Variants in DMXL2 observed in about 807,000 individuals in gnomAD.
DMXL2 encodes Dmx like 2.
DMXL2 carries 103 observed loss-of-function variants against 331.1 expected under a neutral mutation model. That is an observed-to-expected ratio of 0.31 (90% CI 0.27 to 0.37). The LOEUF is 0.37. DMXL2 is among the 10% of genes least tolerant of loss of function. DMXL2 has a pLI of 1.00. For missense variants in DMXL2, 3,171 were observed against 3,642.9 expected, an observed-to-expected ratio of 0.87 and a Z score of 3.33; for synonymous variants, 1,281 against 1,252.1, an observed-to-expected ratio of 1.02 and a Z score of -0.49.
chr15:51,466,783 A>G (rs1362939836), intron 29 of DMXL2, among the ~76,000 whole-genome samples: 1 of 152,090 alleles, frequency 6.6e-6, no homozygotes, highest in Non-Finnish European at 1.5e-5. Context: ...AGTAATTTCA[A>G]TAAAAATCTC....
rs143850714 is a variant in DMXL2 at position 51,536,693 on chromosome 15, G to A, written c.1787C>T (p.Ser596Phe). The A allele has an allele frequency of 1.9e-5, 30 of 1,613,942 alleles. 1 individual carries two copies. The East Asian group carries it at 5.8e-4, about 31-fold the overall frequency. The change falls in exon 12 of 44, where the codon TCT becomes TTT. Residue 596 changes from serine to phenylalanine, a missense_variant. Around this residue, in one of 7 missense-constraint regions of DMXL2, gnomAD observed 1,674 missense variants for 1,780.2 expected, o/e 0.94. Transcript: ENST00000560891. ...VGSPHGSQPH[S>F]RSHSTHMNIL... ...GTTCATATGTGTACTGTGGGATCTA[G>A]AGTGTGGCTGTGATCCGTGAGGACT...
At chr15:51,565,384 C>G (rs760324829) in intron 3 of DMXL2, among the ~76,000 whole-genome samples, 2 of 152,064 alleles carry the variant, frequency 1.3e-5, no homozygotes, top group Non-Finnish European at 2.9e-5. Flanking sequence ...CTTGCCATGC[C>G]CAAACAAAGC....
chr15:51,600,265 C>T (rs891881798), intron 1 of DMXL2, among the ~76,000 whole-genome samples: 2 of 152,174 alleles, frequency 1.3e-5, no homozygotes, highest in Non-Finnish European at 2.9e-5. Context: ...TTACAACCAC[C>T]TCCTGGTTAT....
At chr15:51,507,918 A>G (rs1048161877) in intron 15 of DMXL2, among the ~76,000 whole-genome samples, 4 of 152,180 alleles carry the variant, frequency 2.6e-5, no homozygotes, top group Non-Finnish European at 5.9e-5. Context: ...ACTTGTATAT[A>G]TAATTTTCCC....
chr15:51,559,111 C>A (rs1000232720), intron 6 of DMXL2, among the ~76,000 whole-genome samples: 17 of 152,108 alleles, frequency 1.1e-4, no homozygotes, highest in African/African-American at 3.6e-4. Flanking sequence ...GTATGAAAAA[C>A]TTATTAAATA....
intron 27 of DMXL2, among the ~76,000 whole-genome samples, chr15:51,475,583 C>G (rs1458514968): frequency 6.6e-6 from 1 of 151,966 alleles, no homozygotes; most frequent in African/African-American, 2.4e-5. Context: ...AAACAACTGG[C>G]TGGTACTCTT....
At chr15:51,460,349 C>A (rs530966419) in intron 33 of DMXL2, 1 of 985,384 alleles carries the variant, frequency 1.0e-6, no homozygotes, top group East Asian at 1.1e-4. Context: ...CTGCCCATGC[C>A]TCCAGGGACT....
At chr15:51,606,441 C>T (rs2053594106) in intron 1 of DMXL2, among the ~76,000 whole-genome samples, 1 of 152,152 alleles carries the variant, frequency 6.6e-6, no homozygotes, top group Non-Finnish European at 1.5e-5. Flanking sequence ...GTTATCCACG[C>T]ACCACAGCCT....
intron 2 of DMXL2, among the ~76,000 whole-genome samples, chr15:51,573,663 G>C (rs114897619): frequency 0.12 from 17,485 of 151,920 alleles, 1,298 homozygotes; most frequent in Admixed American, 0.21. Flanking sequence ...ATGGACACTG[G>C]GGGAAACATC....
chr15:51,460,486 T>A (rs979212538), intron 33 of DMXL2: 2 of 484,682 alleles, frequency 4.1e-6, no homozygotes, highest in Non-Finnish European at 2.7e-6. Context: ...ACTAGCTGAA[T>A]TCACCAATCT....
At position 51,464,571 on chromosome 15, in the gene DMXL2, G is replaced by T. The variant is rs916759763; in HGVS notation, c.7808+104C>A. The T allele has an allele frequency of 3.4e-5, 32 of 933,660 alleles. No individual in the cohort carries two copies. In the Middle Eastern group the frequency reaches 1.0e-3, roughly 30 times the overall value. The allele number at this position is 933,660 out of a possible 1,614,324, so 57.8% of individuals were successfully genotyped here. On this transcript the variant is annotated intron_variant, in intron 32 of 43. Coordinates refer to ENST00000560891, the MANE Select transcript of DMXL2 (RefSeq NM_001378457.1). Reference sequence around the variant, plus strand: ...TATTCTGCTAAAAATAGGACTGCAGGTTCAAAATTATGAATGTTTTAAAGT... The same window carrying T: ...TATTCTGCTAAAAATAGGACTGCAGTTTCAAAATTATGAATGTTTTAAAGT...
intron 33 of DMXL2, among the ~76,000 whole-genome samples, chr15:51,461,452 GA>G: frequency 6.6e-6 from 1 of 152,166 alleles, no homozygotes; most frequent in East Asian, 1.9e-4. Context: ...ACATACTTGT[GA>G]TAAATCATTA....
At chr15:51,534,590 G>A (rs2140867193) in intron 13 of DMXL2, among the ~76,000 whole-genome samples, 1 of 152,228 alleles carries the variant, frequency 6.6e-6, no homozygotes, top group South Asian at 2.1e-4. Flanking sequence ...TCAGATGGCT[G>A]GTGAGACCAG....
intron 6 of DMXL2, among the ~76,000 whole-genome samples, chr15:51,552,476 C>A (rs1400889928): frequency 6.6e-6 from 1 of 152,188 alleles, no homozygotes; most frequent in Non-Finnish European, 1.5e-5. Flanking sequence ...ACAAAAGTTT[C>A]TTTGCTTTAA....
chr15:51,481,370 G>C lies in DMXL2; in HGVS notation c.5736C>G (p.Thr1912=). The change falls in exon 24 of 44, where the codon ACC becomes ACG. Residue 1912 remains threonine (T), a synonymous_variant. Coordinates refer to ENST00000560891, the MANE Select transcript of DMXL2 (RefSeq NM_001378457.1). ...LEVLSKIPKV[T]KTSALSAKKD... is the part of the protein sequence containing the mutation. Reference sequence around the variant, plus strand: ...TTTTTGCAGATAAGGCAGATGTTTTGGTTACTTTTGGAATTTTGGAGAGTA... The same window carrying C: ...TTTTTGCAGATAAGGCAGATGTTTTCGTTACTTTTGGAATTTTGGAGAGTA... The C allele has an allele frequency of 6.2e-7, 1 of 1,613,814 alleles. No individual in the cohort carries two copies.
chr15:51,622,757 C>A lies in DMXL2; in HGVS notation c.-212G>T. The A allele has an allele frequency of 1.1e-6, 1 of 889,688 alleles. No individual in the cohort carries two copies. The highest frequency in any genetic ancestry group is 1.6e-6 in the Non-Finnish European group (1 of 614,402). 55.1% of individuals were successfully genotyped at this position (889,688 alleles called of 1,614,324 possible). A position where few individuals can be genotyped will look rare whatever the true frequency, so the allele number is the denominator to read the frequency against. On this transcript the variant is annotated 5_prime_UTR_variant, in exon 1 of 44. Coordinates refer to ENST00000560891, the MANE Select transcript of DMXL2 (RefSeq NM_001378457.1). ...ACCGCCGCCGCCGCCCGGGTCGCCG[C>A]TCAGCTGCGGAAATGCCCGGATGTT... is the stretch of plus-strand genomic sequence containing the variant.
At position 51,480,151 on chromosome 15, in the gene DMXL2, A is replaced by T. The variant is rs1365931062; in HGVS notation, c.6565-12T>A. On this transcript the variant is annotated splice_polypyrimidine_tract_variant and intron_variant, in intron 24 of 43. Transcript: ENST00000560891. ...TTTACTGTAGTTTCCTGTGGGTGATAGTGAATTATTTTTTTCAAAGTAGTT... is the reference window on the plus strand; with the variant it reads ...TTTACTGTAGTTTCCTGTGGGTGATTGTGAATTATTTTTTTCAAAGTAGTT... The T allele has an allele frequency of 6.7e-7, 1 of 1,499,392 alleles. No individual in the cohort carries two copies. The highest frequency in any genetic ancestry group is 9.0e-7 in the Non-Finnish European group (1 of 1,116,296). 92.9% of individuals were successfully genotyped at this position (1,499,392 alleles called of 1,614,324 possible).
At chr15:51,572,274 GA>G (rs2050725439) in intron 2 of DMXL2, among the ~76,000 whole-genome samples, 2 of 128,970 alleles carry the variant, frequency 1.6e-5, no homozygotes, top group Non-Finnish European at 3.5e-5. Context: ...AAGAGGTTCT[GA>G]AATTGAGGCA....
Position 51,622,768 on chromosome 15 carries a change from A to G in DMXL2, c.-223T>C. Reference sequence around the variant, plus strand: ...CGCCCGGGTCGCCGCTCAGCTGCGGAAATGCCCGGATGTTCCCACTGCCTG... The same window carrying G: ...CGCCCGGGTCGCCGCTCAGCTGCGGGAATGCCCGGATGTTCCCACTGCCTG... On this transcript the variant is annotated 5_prime_UTR_variant, in exon 1 of 44. Coordinates refer to ENST00000560891, the MANE Select transcript of DMXL2 (RefSeq NM_001378457.1). The G allele has an allele frequency of 1.3e-6, 1 of 776,518 alleles. No homozygotes were observed. The highest frequency in any genetic ancestry group is 1.9e-6 in the Non-Finnish European group (1 of 513,874). 48.1% of individuals were successfully genotyped at this position (776,518 alleles called of 1,614,324 possible). A position where few individuals can be genotyped will look rare whatever the true frequency, so the allele number is the denominator to read the frequency against.
Sources: gnomAD v4.1 joint callset for allele counts (sites outside exome capture counted in the v4.1 genomes callset) on GRCh38, gnomAD v4.1.1 for gene constraint, gnomAD v4.1.1 regional missense constraint, MANE v1.5 for transcripts, NCBI Gene and HGNC (gene_info 2026-07-23, HGNC 2026-07-21) for gene names.